The following TRMT1L variants were observed in gnomAD, a reference collection of about 807,000 sequenced individuals.
TRMT1L encodes tRNA (guanine(27)-N(2))-dimethyltransferase.
Under a neutral mutation model 81.6 loss-of-function variants are expected in TRMT1L, and 28 were observed. That is an observed-to-expected ratio of 0.34 (90% CI 0.25 to 0.47). TRMT1L has a LOEUF of 0.47. TRMT1L is among the 20% of genes least tolerant of loss of function. The probability of loss-of-function intolerance (pLI) is 1.00; values close to 1 mark genes in which losing one functional copy is unlikely to be tolerated. For missense variants in TRMT1L, 739 were observed against 877.1 expected (o/e 0.84, Z 1.99); for synonymous variants, 301 against 303.2 (o/e 0.99, Z 0.07).
In TRMT1L at chr1:185,156,790, C is replaced by T; in HGVS notation, c.-78G>A. The T allele has an allele frequency of 6.3e-7, 1 of 1,578,650 alleles. No homozygotes were observed. The highest frequency in any genetic ancestry group is 8.6e-7 in the Non-Finnish European group (1 of 1,162,192). ...CGGGGTCAGAGAACTGACGTGAATG[C>T]CCACAGGGCTGGATCCAAGGAGTGG... On this transcript the variant is annotated 5_prime_UTR_variant, in exon 1 of 15. Transcript: ENST00000367506.
intron 5 of TRMT1L, among the ~76,000 whole-genome samples, chr1:185,144,440 A>G (rs996562001): frequency 6.6e-6 from 1 of 152,036 alleles, no homozygotes; most frequent in Admixed American, 6.6e-5. Flanking sequence ...TTAGAAAATG[A>G]GTAACTCCAT....
At chr1:185,144,908 G>GT (rs922447161) in intron 5 of TRMT1L, among the ~76,000 whole-genome samples, 83 of 146,630 alleles carry the variant, frequency 5.7e-4, no homozygotes, top group Middle Eastern at 7.1e-3. Flanking sequence ...TTCAGTGACT[G>GT]TTTTTTTTTT....
chr1:185,150,269 C>T, intron 3 of TRMT1L, 110 bp downstream of exon 3: 2 of 733,286 alleles, frequency 2.7e-6, no homozygotes, highest in Middle Eastern at 3.7e-4. Context: ...TTAAACCCCT[C>T]ACATTTTAAA....
intron 3 of TRMT1L, 63 bp downstream of exon 3, chr1:185,150,316 A>T (rs530632984): frequency 1.7e-4 from 211 of 1,225,284 alleles, no homozygotes; most frequent in Non-Finnish European, 2.4e-4. Context: ...TAAAAATGCC[A>T]AAACTGGTAA....
chr1:185,142,947 A>G (rs1653088088), intron 7 of TRMT1L, among the ~76,000 whole-genome samples: 1 of 152,186 alleles, frequency 6.6e-6, no homozygotes, highest in Non-Finnish European at 1.5e-5. Flanking sequence ...AATTGGGCAA[A>G]CAATTGATAT....
At chr1:185,156,111 A>G (rs761100509) in intron 1 of TRMT1L, among the ~76,000 whole-genome samples, 36 of 152,190 alleles carry the variant, frequency 2.4e-4, no homozygotes, top group Non-Finnish European at 2.9e-5. Context: ...GTCACATTTG[A>G]AAGAACTTAG....
At position 185,120,407 on chromosome 1, in the gene TRMT1L, CTG is replaced by C; in HGVS notation, c.1923_1924del (p.His641GlnfsTer3). On this transcript the variant is annotated frameshift_variant, in exon 14 of 15. Coordinates refer to ENST00000367506, the MANE Select transcript of TRMT1L (RefSeq NM_030934.5). LOFTEE classifies it high-confidence loss of function. ...CTTTGGCATATTCATTCCTTTAATG[CTG>C]TGTCTGTGAATGTTGTAATAAAAGG... The C allele has an allele frequency of 6.3e-7, 1 of 1,595,566 alleles. No homozygotes were observed. The highest frequency in any genetic ancestry group is 8.5e-7 in the Non-Finnish European group (1 of 1,172,156).
In TRMT1L at chr1:185,143,907, G is replaced by T. The variant is rs371545842; in HGVS notation, c.778C>A (p.Arg260=). The part of the protein sequence containing the change: ...SYFNPKMKLN[R]QLIFCTLAAL... ...AACCCTATTTTCAATTTATCTTACC[G>T]ATTTAGTTTCATTTTGGGGTTAAAA... is the stretch of plus-strand genomic sequence containing the variant. Residue 260 remains arginine (R), a splice_region_variant and synonymous_variant, in exon 6 of 15, where the codon CGG becomes AGG. Transcript: ENST00000367506. The T allele has an allele frequency of 5.6e-6, 9 of 1,603,256 alleles. No homozygotes were observed. In the Admixed American group the frequency reaches 6.7e-5, roughly 12 times the overall value.
chr1:185,147,355 A>T, intron 3 of TRMT1L, 109 bp from the exon 4 acceptor site: 1 of 763,164 alleles, frequency 1.3e-6, no homozygotes, highest in Non-Finnish European at 2.2e-6. Flanking sequence ...TTACATTTGT[A>T]ATGTCATAAT....
chr1:185,151,565 G>T (rs1216102436), intron 2 of TRMT1L, among the ~76,000 whole-genome samples: 1 of 152,096 alleles, frequency 6.6e-6, no homozygotes, highest in Non-Finnish European at 1.5e-5. Flanking sequence ...GTAGCCAAAT[G>T]CCATTCCTAA....
intron 3 of TRMT1L, 83 bp downstream of exon 3, chr1:185,150,296 A>T: frequency 1.1e-6 from 1 of 888,044 alleles, no homozygotes. Context: ...ATATTTGATT[A>T]TACTCATGAT....
rs889506545 is a variant in TRMT1L at position 185,119,378 on chromosome 1, A to T, written c.*641T>A. The T allele has an allele frequency of 1.3e-5, 2 of 152,216 alleles. No homozygotes were observed. The highest frequency in any genetic ancestry group is 4.8e-5 in the African/African-American group (2 of 41,478). The allele number at this position is 152,216 out of a possible 1,614,324, so 9.4% of individuals were successfully genotyped here. A position where few individuals can be genotyped will look rare whatever the true frequency, so the allele number is the denominator to read the frequency against. On this transcript the variant is annotated 3_prime_UTR_variant, in exon 15 of 15. Coordinates refer to ENST00000367506, the MANE Select transcript of TRMT1L (RefSeq NM_030934.5). ...TCTCAATTTATTCTGACAAAATCTT[A>T]CTTTGAAGTTTAGTCATTTAGACCT...
Position 185,128,712 on chromosome 1 carries a change from C to T in TRMT1L, c.1549G>A (p.Gly517Arg). ...PYRQLPCNCH[G>R]SMPGKTAIEL... ...ATTGCTGTCTTTCCAGGCATGCTTC[C>T]ATGACAGTTACAAGGCAGCTGTCTA... The change falls in exon 11 of 15, where the codon GGA becomes AGA. Residue 517 changes from glycine to arginine, a missense_variant. Physicochemically the swap from Gly to Arg is moderately radical, Grantham distance 125 (BLOSUM62 -2). Coordinates refer to ENST00000367506, the MANE Select transcript of TRMT1L (RefSeq NM_030934.5). 1 of 1,611,544 alleles carries T rather than the reference C, an allele frequency of 6.2e-7. No homozygotes were observed. Among genetic ancestry groups the T allele is most frequent in the Non-Finnish European group, 8.5e-7 (1 of 1,179,258 alleles).
chr1:185,121,565 C>T (rs927459951), intron 13 of TRMT1L, among the ~76,000 whole-genome samples: 3 of 151,964 alleles, frequency 2.0e-5, no homozygotes, highest in Non-Finnish European at 4.4e-5. Flanking sequence ...AAAAGGACAA[C>T]CTGGGATCCA....
chr1:185,155,101 C>G (rs190517637), intron 1 of TRMT1L, among the ~76,000 whole-genome samples: 96 of 152,256 alleles, frequency 6.3e-4, no homozygotes, highest in African/African-American at 2.2e-3. Context: ...ACATATTTGT[C>G]CTACTAATGC....
At chr1:185,120,673 G>A (rs1652478393) in intron 13 of TRMT1L, 164 bp from the exon 14 acceptor site, 2 of 599,908 alleles carry the variant, frequency 3.3e-6, no homozygotes, top group South Asian at 1.2e-4. Flanking sequence ...CTTCACTTAT[G>A]TAATTTTCAT....
rs746387339 is a variant in TRMT1L at position 185,139,598 on chromosome 1, T to C, written c.1110-19A>G. 5 of 1,567,896 alleles carry C rather than the reference T, an allele frequency of 3.2e-6. No homozygotes were observed. The highest frequency in any genetic ancestry group is 4.5e-5 in the East Asian group (2 of 44,280). On this transcript the variant is annotated intron_variant, in intron 8 of 14. Coordinates refer to ENST00000367506, the MANE Select transcript of TRMT1L (RefSeq NM_030934.5). Reference sequence around the variant, plus strand: ...TAGATGTCTAAAATCAGAAAGAATATAGACATTTTAAAGTCATATTAGTAA... The same window carrying C: ...TAGATGTCTAAAATCAGAAAGAATACAGACATTTTAAAGTCATATTAGTAA...
intron 10 of TRMT1L, among the ~76,000 whole-genome samples, chr1:185,133,882 A>G (rs10911680): frequency 0.5 from 76,228 of 151,932 alleles, 20,397 homozygotes; most frequent in African/African-American, 0.7. Context: ...ATTTTGGAGG[A>G]ATTTGTTACA....
intron 10 of TRMT1L, among the ~76,000 whole-genome samples, chr1:185,136,657 G>A (rs970115715): frequency 6.6e-6 from 1 of 152,064 alleles, no homozygotes; most frequent in Non-Finnish European, 1.5e-5. Flanking sequence ...GAGCAATACA[G>A]GAACACTGAA....
Sources: gnomAD v4.1 joint callset for allele counts (sites outside exome capture counted in the v4.1 genomes callset) on GRCh38, gnomAD v4.1.1 for gene constraint, MANE v1.5 for transcripts, NCBI Gene and HGNC (gene_info 2026-07-23, HGNC 2026-07-21) for gene names.